FZD3: variants seen among roughly 807,000 people sequenced by gnomAD.
The protein encoded by FZD3 is frizzled-3.
FZD3 carries 30 observed loss-of-function variants against 60.7 expected under a neutral mutation model. The ratio of observed to expected loss-of-function variants is 0.49; its 90% CI spans 0.37 to 0.67. The LOEUF (loss-of-function observed/expected upper bound fraction) is 0.67. Among genes scored for constraint, FZD3 ranks in the 30% least tolerant of loss-of-function variants. The pLI, the probability that FZD3 is intolerant of heterozygous loss-of-function variation, is 0.00. For synonymous variants in FZD3, 246 were observed against 275.2 expected (o/e 0.89, Z 1.05); for missense variants, 605 against 838.7 (o/e 0.72, Z 3.44).
At chr8:28,503,286 AAAC>A in intron 3 of FZD3, 84 bp downstream of exon 3, 3 of 686,972 alleles carry the variant, frequency 4.4e-6, no homozygotes, top group South Asian at 2.3e-5. Flanking sequence ...TGTGTTTGAT[AAAC>A]AACAGGAAAA....
intron 5 of FZD3, among the ~76,000 whole-genome samples, chr8:28,543,719 C>CA (rs199814192): frequency 0.013 from 1,690 of 128,766 alleles, 10 homozygotes; most frequent in Middle Eastern, 0.028. Context: ...TTTTGTAAGC[C>CA]AAAAAAAAAA....
chr8:28,558,415 ATTTC>A (rs1805551714), intron 7 of FZD3, among the ~76,000 whole-genome samples: 7 of 145,340 alleles, frequency 4.8e-5, no homozygotes, highest in African/African-American at 1.5e-4. Context: ...TCCTTTCTTT[ATTTC>A]TTTCTTTTAT....
intron 4 of FZD3, among the ~76,000 whole-genome samples, chr8:28,525,869 ATATATTACAAAG>A (rs1804701867): frequency 6.6e-6 from 1 of 151,454 alleles, no homozygotes; most frequent in South Asian, 2.1e-4. Flanking sequence ...CGGTTTCTTG[ATATATTACAAAG>A]TAGAATCACA....
chr8:28,524,690 A>G (rs1248357278), intron 4 of FZD3, among the ~76,000 whole-genome samples: 1 of 151,810 alleles, frequency 6.6e-6, no homozygotes, highest in Non-Finnish European at 1.5e-5. Context: ...TCCCTGGATA[A>G]TCTCATCTCA....
At chr8:28,537,452 A>G (rs1805045261) in intron 5 of FZD3, among the ~76,000 whole-genome samples, 1 of 152,154 alleles carries the variant, frequency 6.6e-6, no homozygotes, top group African/African-American at 2.4e-5. Context: ...GGCAAACTGT[A>G]AAAGATCAGA....
chr8:28,519,370 T>C (rs10448078), intron 3 of FZD3, among the ~76,000 whole-genome samples: 80,911 of 151,886 alleles, frequency 0.53, 22,084 homozygotes, highest in South Asian at 0.63. Flanking sequence ...CTATTTTTTT[T>C]CCCTTAATAT....
chr8:28,552,817 G>A lies in FZD3; in HGVS notation c.1553+1066G>A, dbSNP rs374186153. Reference sequence around the variant, plus strand: ...TACAGTCAGCCTTTTGTATCTGGCGGTTCCATATCAGTGGATTCAGCCAAC... The same window carrying A: ...TACAGTCAGCCTTTTGTATCTGGCGATTCCATATCAGTGGATTCAGCCAAC... On this transcript the variant is annotated intron_variant, in intron 6 of 7. Coordinates refer to ENST00000240093, the MANE Select transcript of FZD3 (RefSeq NM_017412.4). Among the ~76,000 whole-genome samples the A allele has an allele frequency of 9.9e-5, 15 of 152,086 alleles. 1 individual carries two copies. The East Asian group carries it at 1.9e-3, about 20-fold the overall frequency.
intron 3 of FZD3, among the ~76,000 whole-genome samples, chr8:28,505,397 A>C (rs1343800323): frequency 1.3e-5 from 2 of 151,884 alleles, no homozygotes; most frequent in South Asian, 4.2e-4. Flanking sequence ...TGTGGCCCAC[A>C]CTGGAGTGCT....
chr8:28,497,862 G>A (rs774898419), intron 1 of FZD3, among the ~76,000 whole-genome samples: 8 of 151,886 alleles, frequency 5.3e-5, no homozygotes, highest in Admixed American at 5.2e-4. Context: ...GAGTTCTTTG[G>A]GTCTGATTTT....
At chr8:28,556,007 C>A in intron 7 of FZD3, 36 bp downstream of exon 7, 1 of 1,302,520 alleles carries the variant, frequency 7.7e-7, no homozygotes, top group Non-Finnish European at 1.1e-6. Flanking sequence ...ATTTCATAAG[C>A]TGAATTATGA....
At chr8:28,502,356 A>C (rs1009014596) in intron 2 of FZD3, among the ~76,000 whole-genome samples, 1 of 152,208 alleles carries the variant, frequency 6.6e-6, no homozygotes, top group Non-Finnish European at 1.5e-5. Flanking sequence ...ATAGCATAAT[A>C]ATTTTTCAAA....
Position 28,564,912 on chromosome 8 carries a change from C to A in FZD3, c.*1901C>A, listed in dbSNP as rs1805680474. Reference sequence around the variant, plus strand: ...CCTCACAAAGCTGTCAGATTAAGATCAAGTGAAAAAAATTATGTGAAAGCT... The same window carrying A: ...CCTCACAAAGCTGTCAGATTAAGATAAAGTGAAAAAAATTATGTGAAAGCT... On this transcript the variant is annotated 3_prime_UTR_variant, in exon 8 of 8. Coordinates refer to ENST00000240093, the MANE Select transcript of FZD3 (RefSeq NM_017412.4). 1.3e-5 allele frequency: 2 copies of A among 151,972 alleles called. No individual in the cohort carries two copies. Among genetic ancestry groups the A allele is most frequent in the Admixed American group, 6.6e-5 (1 of 15,264 alleles). 9.4% of individuals were successfully genotyped at this position (151,972 alleles called of 1,614,324 possible).
In FZD3 at chr8:28,573,612, C is replaced by A. The variant is rs757356951; in HGVS notation, c.*10601C>A. ...TGCCTGAAGCATCCTAGATCTCCTT[C>A]ACCCTCATTCTACCTGACAGACAGC... On this transcript the variant is annotated 3_prime_UTR_variant, in exon 8 of 8. Coordinates refer to ENST00000240093, the MANE Select transcript of FZD3 (RefSeq NM_017412.4). 1 of 150,574 alleles carries A rather than the reference C, an allele frequency of 6.6e-6. No individual in the cohort carries two copies. Among genetic ancestry groups the A allele is most frequent in the Non-Finnish European group, 1.5e-5 (1 of 67,696 alleles). The allele number at this position is 150,574 out of a possible 1,614,324, so 9.3% of individuals were successfully genotyped here. A position where few individuals can be genotyped will look rare whatever the true frequency, so the allele number is the denominator to read the frequency against.
intron 3 of FZD3, among the ~76,000 whole-genome samples, chr8:28,511,414 G>A (rs866251683): frequency 2.0e-5 from 3 of 152,188 alleles, no homozygotes; most frequent in Admixed American, 6.5e-5. Flanking sequence ...TGAACCGGGA[G>A]GCGGAGGTTG....
rs5890425 is a variant in FZD3, at chr8:28,561,599, TAA to T, written c.1788-1188_1788-1187del. On this transcript the variant is annotated intron_variant, in intron 7 of 7. Transcript: ENST00000240093. ...ATGATTAGTTTTTTTGATGACTGTT[TAA>T]AAAAAAAAAACCTAGCCTGCTATAT... Among the ~76,000 whole-genome samples, 22 of 147,710 alleles carry T rather than the reference TAA, an allele frequency of 1.5e-4. 1 individual carries two copies. The highest frequency in any genetic ancestry group is 4.9e-4 in the African/African-American group (20 of 40,550).
chr8:28,546,596 A>G (rs1031398808), intron 5 of FZD3, among the ~76,000 whole-genome samples: 10 of 152,074 alleles, frequency 6.6e-5, no homozygotes, highest in Admixed American at 5.9e-4. Context: ...GTGTTTCCCA[A>G]TGCCCCACCC....
chr8:28,530,486 T>C (rs1804840969), intron 5 of FZD3: 1 of 152,154 alleles, frequency 6.6e-6, no homozygotes, highest in Admixed American at 6.6e-5. Flanking sequence ...GCCTGGTTAG[T>C]ACTTGGATGG....
chr8:28,535,565 A>G (rs1192406032), intron 5 of FZD3, among the ~76,000 whole-genome samples: 1 of 152,106 alleles, frequency 6.6e-6, no homozygotes, highest in Non-Finnish European at 1.5e-5. Context: ...TGATGTCACT[A>G]CCTAGATTTT....
chr8:28,496,504 G>A (rs528899931), intron 1 of FZD3, among the ~76,000 whole-genome samples: 2 of 152,096 alleles, frequency 1.3e-5, no homozygotes, highest in South Asian at 2.1e-4. Flanking sequence ...AACTGCAGCT[G>A]TGCGCAAAAA....
Sources: gnomAD v4.1 joint callset for allele counts (sites outside exome capture counted in the v4.1 genomes callset) on GRCh38, gnomAD v4.1.1 for gene constraint, MANE v1.5 for transcripts, NCBI Gene and HGNC (gene_info 2026-07-23, HGNC 2026-07-21) for gene names.